PCDHA8: variants seen among roughly 807,000 people sequenced by gnomAD.
PCDHA8 encodes protocadherin alpha-8.
In PCDHA8, 53 loss-of-function variants were observed where a neutral mutation model predicts 61.8. That is an observed-to-expected ratio of 0.86 (90% confidence interval 0.69 to 1.08). The LOEUF (loss-of-function observed/expected upper bound fraction) is 1.08. PCDHA8 is among the 50% of genes least tolerant of loss of function. The pLI is 0.00. For missense variants in PCDHA8, 1,293 were observed against 1,245.0 expected (o/e 1.04, Z -0.58); for synonymous variants, 618 against 556.6 (o/e 1.11, Z -1.55).
At position 140,848,597 on chromosome 5, in the gene PCDHA8, C is replaced by T. The variant is rs151001396; in HGVS notation, c.2394+4882C>T. ...TGGGGAGCGGCCAGCTCCACTACTC[C>T]GTCCCGGAGGAAGCCGAACACGGCA... is the stretch of plus-strand genomic sequence containing the variant. On this transcript the variant is annotated intron_variant, in intron 1 of 3. Coordinates refer to ENST00000531613, the MANE Select transcript of PCDHA8 (RefSeq NM_018911.3). The T allele has an allele frequency of 5.0e-6, 8 of 1,591,350 alleles. 1 individual carries two copies. The African/African-American group carries it at 6.7e-5, about 13-fold the overall frequency.
At position 140,856,169 on chromosome 5, in the gene PCDHA8, G is replaced by T. The variant is rs200441286; in HGVS notation, c.2394+12454G>T. ...CTCAGTCTACGAGGAGGCCAGACACGGCACCTTCGTGGGCCGCATCGCGCA... is the reference window on the plus strand; with the variant it reads ...CTCAGTCTACGAGGAGGCCAGACACTGCACCTTCGTGGGCCGCATCGCGCA... On this transcript the variant is annotated intron_variant, in intron 1 of 3. Transcript: ENST00000531613. 11 of 1,598,346 alleles carry T rather than the reference G, an allele frequency of 6.9e-6. 2 individuals are homozygous for T. Among genetic ancestry groups the T allele is most frequent in the Admixed American group, 1.7e-5 (1 of 59,282 alleles).
chr5:140,932,710 C>T (rs2088563538), intron 1 of PCDHA8, among the ~76,000 whole-genome samples: 1 of 151,522 alleles, frequency 6.6e-6, no homozygotes, highest in African/African-American at 2.4e-5. Context: ...ATAGACAACA[C>T]AATAATATTG....
rs199571672 is a variant in PCDHA8 at position 140,994,794 on chromosome 5, T to C, written c.2542+12231T>C. On this transcript the variant is annotated intron_variant, in intron 3 of 3. Transcript: ENST00000531613. The stretch of plus-strand genomic sequence containing the variant: ...CCAGGCAAAGGAAACAATGCGTGCA[T>C]GCAAAAACAAAATACAAAAAACTGA... Among the ~76,000 whole-genome samples the C allele has an allele frequency of 7.2e-5, 11 of 152,270 alleles. No individual in the cohort carries two copies. The East Asian group carries it at 2.1e-3, about 29-fold the overall frequency.
At chr5:140,959,524 C>T (rs187530929) in intron 1 of PCDHA8, among the ~76,000 whole-genome samples, 1 of 152,024 alleles carries the variant, frequency 6.6e-6, no homozygotes. Context: ...ATCTTTAAGA[C>T]CATTAATTCA....
chr5:140,959,382 A>C (rs1332960560), intron 1 of PCDHA8, among the ~76,000 whole-genome samples: 1 of 152,200 alleles, frequency 6.6e-6, no homozygotes, highest in African/African-American at 2.4e-5. Flanking sequence ...TCAAAAAAAA[A>C]AGTCACAAAT....
Position 140,841,880 on chromosome 5 carries a change from G to A in PCDHA8, c.559G>A (p.Asp187Asn). 2.2e-5 allele frequency: 36 copies of A among 1,613,826 alleles called. 2 individuals are homozygous for A. Among genetic ancestry groups the A allele is most frequent in the Non-Finnish European group, 3.1e-5 (36 of 1,179,824 alleles). ...CATGCTAGATGTGAATTCAAAGAAC[G>A]ATGAGAATAAACTGGTTGAGCTCGT... ...YFMLDVNSKN[D>N]ENKLVELVLR... Residue 187 changes from aspartate to asparagine, a missense_variant, in exon 1 of 4, where the codon GAT (aspartate) becomes AAT (asparagine). Physicochemically the swap from Asp to Asn is conservative, Grantham distance 23. Coordinates refer to ENST00000531613, the MANE Select transcript of PCDHA8 (RefSeq NM_018911.3).
At chr5:140,914,944 C>CTTTT (rs35695909) in intron 1 of PCDHA8, among the ~76,000 whole-genome samples, 1 of 128,266 alleles carries the variant, frequency 7.8e-6, no homozygotes, top group South Asian at 2.5e-4. Context: ...GAAAAGTTGT[C>CTTTT]TTTTTTTTTT....
rs2052480735 is a variant in PCDHA8 at position 140,870,867 on chromosome 5, C to A, written c.2394+27152C>A. 5 of 1,613,908 alleles carry A rather than the reference C, an allele frequency of 3.1e-6. No individual in the cohort carries two copies. The East Asian group carries it at 8.9e-5, about 29-fold the overall frequency. ...TACCGCGGTCGGTGGGTGCGGGCCACGTGGTGGCGAAGGTGCGCGCAGTGG... is the reference window on the plus strand; with the variant it reads ...TACCGCGGTCGGTGGGTGCGGGCCAAGTGGTGGCGAAGGTGCGCGCAGTGG... On this transcript the variant is annotated intron_variant, in intron 1 of 3. Transcript: ENST00000531613.
Position 140,849,995 on chromosome 5 carries a change from C to T in PCDHA8, c.2394+6280C>T, listed in dbSNP as rs2150462177. The T allele has an allele frequency of 2.5e-6, 4 of 1,597,088 alleles. 1 individual carries two copies. The highest frequency in any genetic ancestry group is 1.7e-6 in the Non-Finnish European group (2 of 1,167,812). ...ACTCGCTGGTGGAGCGGCGGTTGGG[C>T]GAGCGCTCGCTGTCGAGCTACGTGT... On this transcript the variant is annotated intron_variant, in intron 1 of 3. Transcript: ENST00000531613.
At chr5:140,856,168 C>G in intron 1 of PCDHA8, 1 of 1,598,314 alleles carries the variant, frequency 6.3e-7, no homozygotes, top group Non-Finnish European at 8.6e-7. Context: ...AGGCCAGACA[C>G]GGCACCTTCG....
intron 1 of PCDHA8, among the ~76,000 whole-genome samples, chr5:140,873,979 T>C (rs1210499789): frequency 6.6e-6 from 1 of 152,156 alleles, no homozygotes; most frequent in Non-Finnish European, 1.5e-5. Context: ...AAAATTAAAG[T>C]TCCTTAGCAT....
intron 1 of PCDHA8, chr5:140,884,030 G>A: frequency 6.2e-7 from 1 of 1,613,438 alleles, no homozygotes; most frequent in Non-Finnish European, 8.5e-7. Flanking sequence ...GGTGGGTGCA[G>A]GCCACGTGGT....
Position 140,958,548 on chromosome 5 carries a change from A to G in PCDHA8, c.2395-20401A>G, listed in dbSNP as rs185504563. The stretch of plus-strand genomic sequence containing the variant: ...TATGTGTACATTGATTTATGAACCA[A>G]TAAATGTTTCATACACAGTTGAGAT... On this transcript the variant is annotated intron_variant, in intron 1 of 3. Transcript: ENST00000531613. Among the ~76,000 whole-genome samples the G allele has an allele frequency of 5.4e-3, 828 of 152,296 alleles. 8 individuals are homozygous for G. Among genetic ancestry groups the G allele is most frequent in the South Asian group, 1.0e-2 (48 of 4,822 alleles).
intron 1 of PCDHA8, chr5:140,877,932 A>G: frequency 7.1e-7 from 1 of 1,407,638 alleles, no homozygotes; most frequent in Non-Finnish European, 9.3e-7. Flanking sequence ...TTATGATTCT[A>G]TCCTTTAAAC....
chr5:140,885,290 A>G (rs1344746797), intron 1 of PCDHA8, among the ~76,000 whole-genome samples: 2 of 152,190 alleles, frequency 1.3e-5, no homozygotes, highest in African/African-American at 4.8e-5. Context: ...ATATATAGAG[A>G]GAGACCTGGT....
intron 3 of PCDHA8, among the ~76,000 whole-genome samples, chr5:140,996,757 G>A (rs2097743678): frequency 6.6e-6 from 1 of 152,014 alleles, no homozygotes; most frequent in South Asian, 2.1e-4. Context: ...TATCTGTGCA[G>A]GACTAAAATA....
intron 3 of PCDHA8, among the ~76,000 whole-genome samples, chr5:140,986,030 C>T (rs1190318789): frequency 2.6e-5 from 4 of 152,174 alleles, no homozygotes; most frequent in Non-Finnish European, 2.9e-5. Flanking sequence ...TGAGCCACTG[C>T]GCCTGGCCTC....
In PCDHA8 at chr5:140,966,814, C is replaced by G. The variant is rs782787958; in HGVS notation, c.2395-12135C>G. 4.5e-6 allele frequency: 7 copies of G among 1,552,328 alleles called. No individual in the cohort carries two copies. The East Asian group carries it at 1.2e-4, about 27-fold the overall frequency. On this transcript the variant is annotated intron_variant, in intron 1 of 3. Coordinates refer to ENST00000531613, the MANE Select transcript of PCDHA8 (RefSeq NM_018911.3). The stretch of plus-strand genomic sequence containing the variant: ...CTGCGGCGACAGAGCATCCACGGCT[C>G]CGGCGGCCCATGCCCTGGCTGCTGC...
At chr5:140,927,417 G>A (rs74597681) in intron 1 of PCDHA8, 37,118 of 1,614,096 alleles carry the variant, frequency 0.023, 560 homozygotes, top group African/African-American at 0.056. Flanking sequence ...ACATGGGATC[G>A]CGGGTTGACG....
Sources: gnomAD v4.1 joint callset for allele counts (sites outside exome capture counted in the v4.1 genomes callset) on GRCh38, gnomAD v4.1.1 for gene constraint, MANE v1.5 for transcripts, NCBI Gene and HGNC (gene_info 2026-07-23, HGNC 2026-07-21) for gene names.